Variants in NFYB observed in about 807,000 individuals in gnomAD.
The protein encoded by NFYB is CAAT box DNA-binding protein subunit B.
A neutral mutation model predicts 28.0 loss-of-function variants in NFYB; 13 were observed. The observed-to-expected ratio is 0.46, with a 90% CI of 0.30 to 0.74. The LOEUF is 0.74. Among genes scored for constraint, NFYB ranks in the 30% least tolerant of loss-of-function variants. The pLI is 0.07. For synonymous variants in NFYB, 74 were observed against 75.0 expected, an observed-to-expected ratio of 0.99 and a Z score of 0.07; for missense variants, 142 against 247.6, an observed-to-expected ratio of 0.57 and a Z score of 2.86.
chr12:104,134,952 C>A (rs1414689075), intron 2 of NFYB, among the ~76,000 whole-genome samples: 1 of 152,208 alleles, frequency 6.6e-6, no homozygotes, highest in Non-Finnish European at 1.5e-5. Context: ...CCATGCACCT[C>A]TACTCCCGAT....
rs539397907 is a variant in NFYB, at chr12:104,120,522, C to G, written c.512-43G>C. On this transcript the variant is annotated intron_variant, in intron 6 of 7. Transcript: ENST00000240055. Reference sequence around the variant, plus strand: ...AGTTAAAGAGGGAAATGAACTATATCTACTTTCTTGGGTTGTATCTTAAGG... The same window carrying G: ...AGTTAAAGAGGGAAATGAACTATATGTACTTTCTTGGGTTGTATCTTAAGG... The G allele has an allele frequency of 5.9e-6, 8 of 1,360,136 alleles. No individual in the cohort carries two copies. The East Asian group carries it at 1.8e-4, about 31-fold the overall frequency. The allele number at this position is 1,360,136 out of a possible 1,614,324, so 84.3% of individuals were successfully genotyped here.
At chr12:104,119,972 C>T (rs541049402) in intron 7 of NFYB, among the ~76,000 whole-genome samples, 12 of 152,124 alleles carry the variant, frequency 7.9e-5, no homozygotes, top group African/African-American at 2.7e-4. Flanking sequence ...CTGTTATCTA[C>T]ATTGAGAAAA....
At chr12:104,126,451 C>T (rs1034697993) in intron 3 of NFYB, among the ~76,000 whole-genome samples, 4 of 152,168 alleles carry the variant, frequency 2.6e-5, no homozygotes, top group Non-Finnish European at 5.9e-5. Context: ...GCCTAGAACA[C>T]TTTTTATCCT....
chr12:104,128,540 T>C (rs1215187675), intron 2 of NFYB, 23 bp from the exon 3 acceptor site: 2 of 1,532,542 alleles, frequency 1.3e-6, no homozygotes, highest in Non-Finnish European at 9.0e-7. Flanking sequence ...AAACAGTTTT[T>C]CAATACTTTT....
chr12:104,130,008 A>G (rs2030864087), intron 2 of NFYB, among the ~76,000 whole-genome samples: 1 of 152,246 alleles, frequency 6.6e-6, no homozygotes, highest in Non-Finnish European at 1.5e-5. Flanking sequence ...AAAGAATTCC[A>G]AGAGGGAAAG....
intron 4 of NFYB, among the ~76,000 whole-genome samples, chr12:104,124,619 CA>C (rs1263889360): frequency 6.6e-6 from 1 of 152,076 alleles, no homozygotes; most frequent in African/African-American, 2.4e-5. Flanking sequence ...CCAATATAGC[CA>C]AATTCTTACC....
Position 104,119,643 on chromosome 12 carries a change from A to G in NFYB, c.*94T>C. 2.4e-6 allele frequency: 2 copies of G among 839,688 alleles called. No individual in the cohort carries two copies. The highest frequency in any genetic ancestry group is 1.7e-5 in the African/African-American group (1 of 59,778). 52.0% of individuals were successfully genotyped at this position (839,688 alleles called of 1,614,324 possible). Reference sequence around the variant, plus strand: ...ATTACAGCTATTAATATACAAAGATACATCTTTTCACCAGTCTTTCCTTCT... The same window carrying G: ...ATTACAGCTATTAATATACAAAGATGCATCTTTTCACCAGTCTTTCCTTCT... On this transcript the variant is annotated 3_prime_UTR_variant, in exon 8 of 8. Transcript: ENST00000240055.
At chr12:104,121,121 A>C in intron 6 of NFYB, 119 bp downstream of exon 6, 1 of 787,476 alleles carries the variant, frequency 1.3e-6, no homozygotes, top group Non-Finnish European at 2.1e-6. Flanking sequence ...AACTGATAAG[A>C]ACTATTTAAA....
chr12:104,131,795 G>C (rs2030935045), intron 2 of NFYB: 1 of 455,920 alleles, frequency 2.2e-6, no homozygotes, highest in Non-Finnish European at 4.4e-6. Flanking sequence ...GTCAACAACA[G>C]ACAAGGTCTC....
chr12:104,119,792 G>A, intron 7 of NFYB, 23 bp from the exon 8 acceptor site: 3 of 1,541,170 alleles, frequency 1.9e-6, no homozygotes, highest in Non-Finnish European at 2.7e-6. Flanking sequence ...AATTTAAATT[G>A]AGCAGAATTA....
At chr12:104,127,582 AT>A (rs1221179324) in intron 3 of NFYB, among the ~76,000 whole-genome samples, 24 of 141,206 alleles carry the variant, frequency 1.7e-4, no homozygotes, top group East Asian at 1.1e-3. Flanking sequence ...AAAATAAAAA[AT>A]AAAAAAAAAA....
At chr12:104,125,032 GCAATGA>G (rs2136654236) in intron 4 of NFYB, among the ~76,000 whole-genome samples, 1 of 152,024 alleles carries the variant, frequency 6.6e-6, no homozygotes, top group African/African-American at 2.4e-5. Flanking sequence ...CAAGTGATGA[GCAATGA>G]CAATGAGTTT....
chr12:104,136,181 A>T (rs751752711), intron 1 of NFYB, among the ~76,000 whole-genome samples: 11 of 152,228 alleles, frequency 7.2e-5, no homozygotes, highest in Non-Finnish European at 1.2e-4. Flanking sequence ...ATAGCACTTC[A>T]GTCTCACTGT....
At chr12:104,133,860 T>C (rs75121914) in intron 2 of NFYB, among the ~76,000 whole-genome samples, 1,779 of 152,270 alleles carry the variant, frequency 0.012, 23 homozygotes, top group African/African-American at 0.041. Flanking sequence ...CATACAGAAG[T>C]ACACAGAGAT....
intron 6 of NFYB, 113 bp from the exon 7 acceptor site, chr12:104,120,592 T>A: frequency 1.4e-6 from 1 of 733,834 alleles, no homozygotes; most frequent in Non-Finnish European, 2.4e-6. Context: ...GTATCAATGA[T>A]GTAGTCTTGG....
chr12:104,119,554 C>A lies in NFYB; in HGVS notation c.*183G>T. On this transcript the variant is annotated 3_prime_UTR_variant, in exon 8 of 8. Transcript: ENST00000240055. Reference sequence around the variant, plus strand: ...TAAAATCCAAATTTTTCTTTAAAATCATTCATGAAAAAGATTCTCAAGTCA... The same window carrying A: ...TAAAATCCAAATTTTTCTTTAAAATAATTCATGAAAAAGATTCTCAAGTCA... 1 of 485,704 alleles carries A rather than the reference C, an allele frequency of 2.1e-6. No individual in the cohort carries two copies. Among genetic ancestry groups the A allele is most frequent in the East Asian group, 3.0e-5 (1 of 33,154 alleles). The allele number at this position is 485,704 out of a possible 1,614,324, so 30.1% of individuals were successfully genotyped here. A position where few individuals can be genotyped will look rare whatever the true frequency, so the allele number is the denominator to read the frequency against.
Position 104,119,279 on chromosome 12 carries a change from C to A in NFYB, c.*458G>T, listed in dbSNP as rs184335540. The A allele has an allele frequency of 6.6e-6, 1 of 152,216 alleles. No individual in the cohort carries two copies. The highest frequency in any genetic ancestry group is 1.5e-5 in the Non-Finnish European group (1 of 68,132). The allele number at this position is 152,216 out of a possible 1,614,324, so 9.4% of individuals were successfully genotyped here. On this transcript the variant is annotated 3_prime_UTR_variant, in exon 8 of 8. Transcript: ENST00000240055. ...GCTAGGTTATCATGCAAGGTATAAC[C>A]AAGACAAACTCAAATTTATAATAAA... is the stretch of plus-strand genomic sequence containing the variant.
At chr12:104,131,626 A>T (rs888954881) in intron 2 of NFYB, 2 of 394,940 alleles carry the variant, frequency 5.1e-6, no homozygotes, top group African/African-American at 4.2e-5. Flanking sequence ...TGATGGAAAA[A>T]AACTTGCTAG....
In NFYB at chr12:104,131,717, C is replaced by T. The variant is rs750573454; in HGVS notation, c.7-3200G>A. On this transcript the variant is annotated intron_variant, in intron 2 of 7. Coordinates refer to ENST00000240055, the MANE Select transcript of NFYB (RefSeq NM_006166.4). ...AGACTGTAGATTGTCAGTAAGCCAGCCAACAAATATTTACTGAGTGAGCGC... is the reference window on the plus strand; with the variant it reads ...AGACTGTAGATTGTCAGTAAGCCAGTCAACAAATATTTACTGAGTGAGCGC... 7.9e-5 allele frequency: 36 copies of T among 455,456 alleles called. No individual in the cohort carries two copies. In the East Asian group the frequency reaches 1.5e-3, roughly 19 times the overall value. 28.2% of individuals were successfully genotyped at this position (455,456 alleles called of 1,614,324 possible).
Sources: allele counts gnomAD v4.1 joint callset (sites outside exome capture counted in the v4.1 genomes callset), GRCh38; gene constraint gnomAD v4.1.1; transcripts MANE v1.5; gene names NCBI Gene and HGNC (gene_info 2026-07-23, HGNC 2026-07-21).